Variants in LOXL2 observed in about 807,000 individuals in gnomAD.
The protein encoded by LOXL2 is lysyl oxidase homolog 2.
In LOXL2, 70 loss-of-function variants were observed where a neutral mutation model predicts 93.0. The observed-to-expected ratio is 0.75, with a 90% confidence interval of 0.62 to 0.92. The LOEUF (loss-of-function observed/expected upper bound fraction) is 0.92. LOXL2 is among the 40% of genes least tolerant of loss of function. The pLI is 0.00. For missense variants in LOXL2, 973 were observed against 1,054.9 expected (o/e 0.92, Z 1.08); for synonymous variants, 438 against 413.2 (o/e 1.06, Z -0.73).
intron 3 of LOXL2, among the ~76,000 whole-genome samples, chr8:23,345,459 G>T (rs1489973429): frequency 6.6e-6 from 1 of 152,222 alleles, no homozygotes; most frequent in Admixed American, 6.5e-5. Flanking sequence ...GTACGTGAGG[G>T]GAGAGCTGGG....
intron 3 of LOXL2, among the ~76,000 whole-genome samples, chr8:23,348,833 C>T (rs987182176): frequency 1.3e-5 from 2 of 151,544 alleles, no homozygotes; most frequent in African/African-American, 2.4e-5. Flanking sequence ...GCTGAGATCA[C>T]GACACTGCAC....
At chr8:23,363,794 G>A (rs975579763) in intron 2 of LOXL2, 2 of 152,222 alleles carry the variant, frequency 1.3e-5, no homozygotes, top group African/African-American at 4.8e-5. Flanking sequence ...TTTCTACTTA[G>A]ATGGCAGATA....
chr8:23,306,747 A>C (rs1474557614), intron 10 of LOXL2, among the ~76,000 whole-genome samples: 1 of 152,214 alleles, frequency 6.6e-6, no homozygotes, highest in African/African-American at 2.4e-5. Context: ...GATTCCCCCG[A>C]GGTGGGAGAG....
At chr8:23,329,559 C>T (rs1563191906) in intron 5 of LOXL2, among the ~76,000 whole-genome samples, 2 of 150,798 alleles carry the variant, frequency 1.3e-5, no homozygotes, top group East Asian at 4.7e-4. Flanking sequence ...TGTGTAAGCT[C>T]ACCTGCATGC....
chr8:23,321,930 C>T lies in LOXL2; in HGVS notation c.1302+200G>A, dbSNP rs1803503211. ...CAGGGCCTTTCCAGCTCACACTGCA[C>T]ACAGGGGCTTGGGCCTGCTGCCGGG... On this transcript the variant is annotated intron_variant, in intron 7 of 13. Coordinates refer to ENST00000389131, the MANE Select transcript of LOXL2 (RefSeq NM_002318.3). 13 of 594,304 alleles carry T rather than the reference C, an allele frequency of 2.2e-5. 1 individual carries two copies. In the South Asian group the frequency reaches 2.6e-4, roughly 12 times the overall value. 36.8% of individuals were successfully genotyped at this position (594,304 alleles called of 1,614,324 possible). A position where few individuals can be genotyped will look rare whatever the true frequency, so the allele number is the denominator to read the frequency against.
At chr8:23,350,884 G>A (rs543673719) in intron 3 of LOXL2, among the ~76,000 whole-genome samples, 1 of 152,188 alleles carries the variant, frequency 6.6e-6, no homozygotes, top group Non-Finnish European at 1.5e-5. Context: ...AAGCCCTGCT[G>A]TCAGCAGGAA....
At chr8:23,354,677 T>TG (rs74350836) in intron 3 of LOXL2, among the ~76,000 whole-genome samples, 8,001 of 152,002 alleles carry the variant, frequency 0.053, 210 homozygotes, top group Admixed American at 0.083. Flanking sequence ...ACACACTATG[T>TG]GGGATGAGTG....
intron 10 of LOXL2, among the ~76,000 whole-genome samples, chr8:23,308,990 A>T (rs7837912): frequency 0.53 from 72,481 of 136,376 alleles, 19,899 homozygotes; most frequent in East Asian, 0.74. Context: ...ATATATATAT[A>T]TTTTTTTTTT....
chr8:23,370,014 A>T (rs1804470770), intron 1 of LOXL2, among the ~76,000 whole-genome samples: 1 of 152,208 alleles, frequency 6.6e-6, no homozygotes, highest in Non-Finnish European at 1.5e-5. Flanking sequence ...AGAGTTGCAC[A>T]GTTACTGCAA....
In LOXL2 at chr8:23,319,917, G is replaced by A. The variant is rs1803466876; in HGVS notation, c.1438C>T (p.Leu480=). Residue 480 remains leucine (L), a synonymous_variant, in exon 8 of 14, where the codon CTG becomes TTG. Coordinates refer to ENST00000389131, the MANE Select transcript of LOXL2 (RefSeq NM_002318.3). ...IVEAMVVCRQ[L]GLGFASNAFQ... is the part of the protein sequence containing the mutation. The stretch of plus-strand genomic sequence containing the variant: ...GCGTTGCTGGCGAATCCCAGGCCCA[G>A]CTGGCGGCAGACCACCATGGCCTCC... The A allele has an allele frequency of 3.1e-6, 5 of 1,613,802 alleles. No homozygotes were observed. Among genetic ancestry groups the A allele is most frequent in the African/African-American group, 1.3e-5 (1 of 74,912 alleles).
chr8:23,391,380 G>C (rs780286944), intron 1 of LOXL2, among the ~76,000 whole-genome samples: 4 of 152,076 alleles, frequency 2.6e-5, no homozygotes, highest in Non-Finnish European at 5.9e-5. Flanking sequence ...GGTTCTTCAC[G>C]GGCTACATCA....
At chr8:23,304,150 G>A (rs1037519592) in intron 10 of LOXL2, among the ~76,000 whole-genome samples, 5 of 152,224 alleles carry the variant, frequency 3.3e-5, no homozygotes, top group Admixed American at 6.5e-5. Context: ...AGGGAGGCAC[G>A]TCCCCGGGGG....
chr8:23,329,478 C>A (rs1470093142), intron 5 of LOXL2, among the ~76,000 whole-genome samples: 2 of 152,198 alleles, frequency 1.3e-5, no homozygotes, highest in African/African-American at 4.8e-5. Context: ...AAGATGGGAG[C>A]TGGGTCATTT....
chr8:23,308,858 C>T (rs985639649), intron 10 of LOXL2, among the ~76,000 whole-genome samples: 5 of 152,080 alleles, frequency 3.3e-5, no homozygotes, highest in African/African-American at 9.7e-5. Context: ...TCATGCAGCT[C>T]GCTAGAGGCA....
rs1803942489 is a variant in LOXL2 at position 23,344,795 on chromosome 8, G to A, written c.532-3592C>T. Among the ~76,000 whole-genome samples the A allele has an allele frequency of 2.0e-5, 3 of 152,186 alleles. No homozygotes were observed. The South Asian group carries it at 6.2e-4, about 31-fold the overall frequency. ...TTCCTTGCAAGGCCTTAGGAAAACAGTCAGGACACCATTCGCACTCATTCC... is the reference window on the plus strand; with the variant it reads ...TTCCTTGCAAGGCCTTAGGAAAACAATCAGGACACCATTCGCACTCATTCC... On this transcript the variant is annotated intron_variant, in intron 3 of 13. Transcript: ENST00000389131.
intron 5 of LOXL2, among the ~76,000 whole-genome samples, chr8:23,332,411 C>CA (rs1396390436): frequency 1.5e-5 from 2 of 137,030 alleles, no homozygotes; most frequent in Non-Finnish European, 3.1e-5. Flanking sequence ...CATACACACA[C>CA]CGCCACACAC....
intron 5 of LOXL2, among the ~76,000 whole-genome samples, chr8:23,333,071 T>C (rs77214161): frequency 6.6e-6 from 1 of 152,166 alleles, no homozygotes. Flanking sequence ...GCTGACTGCA[T>C]GTGCTTTTCA....
intron 3 of LOXL2, among the ~76,000 whole-genome samples, chr8:23,354,911 C>T (rs371363935): frequency 1.2e-4 from 18 of 145,806 alleles, no homozygotes; most frequent in African/African-American, 3.8e-4. Flanking sequence ...CGCTCCTCTC[C>T]GCCTTGGCTC....
At chr8:23,377,165 A>G (rs1057142406) in intron 1 of LOXL2, among the ~76,000 whole-genome samples, 14 of 152,262 alleles carry the variant, frequency 9.2e-5, no homozygotes, top group African/African-American at 3.4e-4. Context: ...GTTTCAAAGA[A>G]CATCTTTATT....
Sources: allele counts gnomAD v4.1 joint callset (sites outside exome capture counted in the v4.1 genomes callset), GRCh38; gene constraint gnomAD v4.1.1; transcripts MANE v1.5; gene names NCBI Gene and HGNC (gene_info 2026-07-23, HGNC 2026-07-21).